NDUFA10: variants seen among roughly 807,000 people sequenced by gnomAD.
NDUFA10 encodes NADH dehydrogenase [ubiquinone] 1 alpha subcomplex subunit 10, mitochondrial.
In NDUFA10, 40 loss-of-function variants were observed where a neutral mutation model predicts 47.8. The ratio of observed to expected loss-of-function variants is 0.84; its 90% CI spans 0.65 to 1.09. NDUFA10 has a LOEUF of 1.09. NDUFA10 is among the 50% of genes least tolerant of loss of function. The pLI is 0.00. For synonymous variants in NDUFA10, 183 were observed against 172.2 expected, an observed-to-expected ratio of 1.06 and a Z score of -0.49; for missense variants, 413 against 451.1, an observed-to-expected ratio of 0.92 and a Z score of 0.76.
chr2:239,963,607 G>A (rs543598030), intron 9 of NDUFA10, among the ~76,000 whole-genome samples: 1 of 152,360 alleles, frequency 6.6e-6, no homozygotes, highest in South Asian at 2.1e-4. Context: ...GGGAAGGTAA[G>A]TGTCCGGTCT....
chr2:239,918,343 C>T (rs547738573), intron 4 of NDUFA10, among the ~76,000 whole-genome samples: 15 of 152,322 alleles, frequency 9.8e-5, no homozygotes, highest in Non-Finnish European at 1.3e-4. Context: ...TGCGCCCCAT[C>T]GCCCTTGCTC....
At chr2:239,909,610 C>T (rs530270537) in intron 4 of NDUFA10, among the ~76,000 whole-genome samples, 6 of 152,154 alleles carry the variant, frequency 3.9e-5, no homozygotes, top group African/African-American at 1.4e-4. Context: ...AAGACTCCAT[C>T]TCAAAAACAA....
intron 4 of NDUFA10, among the ~76,000 whole-genome samples, chr2:239,935,690 T>G (rs998646694): frequency 2.0e-5 from 3 of 152,052 alleles, no homozygotes; most frequent in African/African-American, 7.3e-5. Context: ...ATGAGAGTGG[T>G]TTCCCCTATA....
intron 4 of NDUFA10, among the ~76,000 whole-genome samples, chr2:239,909,473 C>T (rs1464060660): frequency 1.3e-5 from 2 of 152,050 alleles, no homozygotes; most frequent in African/African-American, 4.8e-5. Context: ...GTTAGCCAGG[C>T]GTGGTGGCAT....
chr2:239,937,532 T>C (rs190562723), intron 4 of NDUFA10, among the ~76,000 whole-genome samples: 1 of 152,326 alleles, frequency 6.6e-6, no homozygotes, highest in African/African-American at 2.4e-5. Context: ...GCTTCATTCA[T>C]TTTATGGCCT....
chr2:239,951,698 T>C lies in NDUFA10; in HGVS notation c.294+38376A>G, dbSNP rs76334213. Among the ~76,000 whole-genome samples the C allele has an allele frequency of 5.7e-3, 868 of 152,312 alleles. 4 individuals are homozygous for C. The highest frequency in any genetic ancestry group is 0.021 in the South Asian group (101 of 4,832). ...GACTCTAATGGCAAGTAAAAGAAAA[T>C]GTATATAACTCTAAAGCTATCTTCC... On this transcript the variant is annotated intron_variant, in intron 4 of 5. Coordinates refer to the NDUFA10 transcript ENST00000419408.
chr2:239,916,158 G>C (rs573431100), intron 4 of NDUFA10, among the ~76,000 whole-genome samples: 41 of 146,612 alleles, frequency 2.8e-4, no homozygotes, highest in African/African-American at 1.0e-3. Context: ...CACACAGAGA[G>C]ACACACAGAG....
chr2:240,023,359 G>A (rs1697720340), intron 1 of NDUFA10, among the ~76,000 whole-genome samples: 1 of 152,002 alleles, frequency 6.6e-6, no homozygotes, highest in African/African-American at 2.4e-5. Flanking sequence ...AAAAACAAAA[G>A]ACTATTAACA....
At chr2:239,903,341 C>T (rs1179344559) in intron 4 of NDUFA10, among the ~76,000 whole-genome samples, 1 of 152,212 alleles carries the variant, frequency 6.6e-6, no homozygotes, top group Non-Finnish European at 1.5e-5. Context: ...CGAGGAGGCT[C>T]CTTCTGCATT....
At chr2:240,010,114 T>C (rs1697083361) in intron 6 of NDUFA10, among the ~76,000 whole-genome samples, 1 of 152,230 alleles carries the variant, frequency 6.6e-6, no homozygotes, top group Admixed American at 6.5e-5. Context: ...GCACTTAAAA[T>C]AATGCATACT....
chr2:239,973,367 G>A (rs1695376931), intron 9 of NDUFA10: 2 of 377,982 alleles, frequency 5.3e-6, no homozygotes, highest in Non-Finnish European at 1.1e-5. Context: ...TTTCTGTAAG[G>A]TGAATTTCAT....
At chr2:239,967,028 G>A (rs1357979269) in intron 9 of NDUFA10, among the ~76,000 whole-genome samples, 1 of 152,084 alleles carries the variant, frequency 6.6e-6, no homozygotes, top group Non-Finnish European at 1.5e-5. Context: ...CTAGGGCTGT[G>A]TCTGTTCCCA....
downstream of NDUFA10, among the ~76,000 whole-genome samples, chr2:239,952,946 G>T (rs77315516): frequency 3.3e-3 from 502 of 152,336 alleles, 3 homozygotes; most frequent in African/African-American, 0.012. Context: ...CTCCAGCCAC[G>T]TGGGAGGTAA....
rs567161544 is a variant in NDUFA10, at chr2:239,960,850, T to C, written c.*268A>G. 1.5e-6 allele frequency: 2 copies of C among 1,369,884 alleles called. No homozygotes were observed. The highest frequency in any genetic ancestry group is 5.6e-5 in the Admixed American group (2 of 35,868). The allele number at this position is 1,369,884 out of a possible 1,614,324, so 84.9% of individuals were successfully genotyped here. On this transcript the variant is annotated 3_prime_UTR_variant, in exon 10 of 10. Coordinates refer to ENST00000252711, the MANE Select transcript of NDUFA10 (RefSeq NM_004544.4). ...ACAGGGGCTGCCGAGAGCTGGCCTT[T>C]CACAGCAGACCACTGTTTTCCAGTG... is the stretch of plus-strand genomic sequence containing the variant.
chr2:240,013,204 G>A (rs1347894343), intron 5 of NDUFA10: 3 of 152,094 alleles, frequency 2.0e-5, no homozygotes, highest in Admixed American at 6.5e-5. Context: ...TTCCCAAAAG[G>A]TGCAATACTG....
intron 5 of NDUFA10, 63 bp downstream of exon 5, chr2:240,014,676 G>A (rs762380548): frequency 6.2e-7 from 1 of 1,608,170 alleles, no homozygotes; most frequent in Non-Finnish European, 8.5e-7. Context: ...TTAAAACAGG[G>A]CTTTTAGTGC....
intron 7 of NDUFA10, among the ~76,000 whole-genome samples, chr2:240,005,547 G>C (rs1696918374): frequency 6.6e-6 from 1 of 151,946 alleles, no homozygotes; most frequent in Non-Finnish European, 1.5e-5. Context: ...AGTAGAGATG[G>C]GGTCTCACCA....
intron 4 of NDUFA10, among the ~76,000 whole-genome samples, chr2:239,951,964 C>T (rs975412431): frequency 1.2e-4 from 19 of 152,230 alleles, no homozygotes; most frequent in African/African-American, 4.6e-4. Flanking sequence ...ATGGTGCATG[C>T]CCTTTGGTCT....
chr2:239,948,218 C>T (rs1694490442), intron 4 of NDUFA10, among the ~76,000 whole-genome samples: 1 of 152,242 alleles, frequency 6.6e-6, no homozygotes, highest in African/African-American at 2.4e-5. Flanking sequence ...CACGTCCGTC[C>T]CTCTTCCCAG....
Sources: allele counts gnomAD v4.1 joint callset (sites outside exome capture counted in the v4.1 genomes callset), GRCh38; gene constraint gnomAD v4.1.1; transcripts MANE v1.5; gene names NCBI Gene and HGNC (gene_info 2026-07-23, HGNC 2026-07-21).